Variants in EPHB4 observed in about 807,000 individuals in gnomAD.
EPHB4 encodes the protein EPH receptor B4.
EPHB4 carries 50 observed loss-of-function variants against 110.6 expected under a neutral mutation model. That is an observed-to-expected ratio of 0.45 (90% CI 0.36 to 0.57). The LOEUF is 0.57. EPHB4 is among the 20% of genes least tolerant of loss of function. The pLI, the probability that EPHB4 is intolerant of heterozygous loss-of-function variation, is 0.00. For synonymous variants in EPHB4, 592 were observed against 578.4 expected (o/e 1.02, Z -0.34); for missense variants, 1,128 against 1,382.1 (o/e 0.82, Z 2.91).
In EPHB4 at chr7:100,826,982, C is replaced by G; in HGVS notation, c.49G>C (p.Glu17Gln). 6.4e-7 allele frequency: 1 copy of G among 1,560,698 alleles called. No homozygotes were observed. Among genetic ancestry groups the G allele is most frequent in the Non-Finnish European group, 8.7e-7 (1 of 1,149,784 alleles). The change falls in exon 1 of 17, where the codon GAA (glutamate) becomes CAA (glutamine). Residue 17 changes from glutamate (E) to glutamine (Q), a missense_variant. By Grantham distance (29) the Glu-to-Gln change is conservative (BLOSUM62 2). Around this residue, in one of 3 missense-constraint regions of EPHB4, gnomAD observed 728 missense variants for 828.6 expected, o/e 0.88. Transcript: ENST00000358173. Reference protein sequence around the residue: ...LCWASLAAALEETLLNTKLET... With the variant: ...LCWASLAAALQETLLNTKLET... The stretch of plus-strand genomic sequence containing the variant: ...CCCCCCCCGCAAGGAAACTCACCTT[C>G]CAAAGCTGCGGCCAACGAAGCCCAG...
At chr7:100,823,982 G>A (rs1296630903) in intron 2 of EPHB4, 51 bp from the exon 3 acceptor site, 3 of 1,528,030 alleles carry the variant, frequency 2.0e-6, no homozygotes, top group Non-Finnish European at 2.6e-6. Context: ...CCAGGGAGAG[G>A]GCTGCATGGG....
At chr7:100,807,767 A>G (rs1812849173) in intron 12 of EPHB4, among the ~76,000 whole-genome samples, 187 bp from the exon 13 acceptor site, 1 of 152,054 alleles carries the variant, frequency 6.6e-6, no homozygotes, top group Non-Finnish European at 1.5e-5. Context: ...TAGCTGGAAC[A>G]ATAGGCATGT....
At chr7:100,813,271 C>T in intron 10 of EPHB4, 63 bp from the exon 11 acceptor site, 1 of 1,262,556 alleles carries the variant, frequency 7.9e-7, no homozygotes, top group Non-Finnish European at 1.1e-6. Flanking sequence ...GGAGGCTCGG[C>T]TCATAGCTTT....
At chr7:100,817,096 A>G (rs1414491214) in intron 8 of EPHB4, 96 bp downstream of exon 8, 1 of 1,271,896 alleles carries the variant, frequency 7.9e-7, no homozygotes, top group African/African-American at 1.6e-5. Context: ...AAAAAAAAAA[A>G]AAAAAAAAGA....
chr7:100,824,176 G>A (rs1813314648), intron 2 of EPHB4, 27 bp downstream of exon 2: 1 of 1,614,040 alleles, frequency 6.2e-7, no homozygotes, highest in Non-Finnish European at 8.5e-7. Flanking sequence ...TCCCTCCAGA[G>A]CTCCAGCTCC....
At chr7:100,824,824 TCCCCA>T (rs909738440) in intron 1 of EPHB4, 9 of 154,134 alleles carry the variant, frequency 5.8e-5, no homozygotes, top group African/African-American at 2.2e-4. Flanking sequence ...AGTACCTCCC[TCCCCA>T]CGAGTGCCCT....
At chr7:100,812,220 AT>A (rs1812951456) in intron 12 of EPHB4, among the ~76,000 whole-genome samples, 1 of 151,846 alleles carries the variant, frequency 6.6e-6, no homozygotes, top group Admixed American at 6.6e-5. Context: ...AAAAGAAGGA[AT>A]GACAACCTTC....
chr7:100,826,957 C>A, intron 1 of EPHB4, 22 bp downstream of exon 1: 7 of 1,538,690 alleles, frequency 4.5e-6, no homozygotes, highest in Admixed American at 2.0e-5. Flanking sequence ...CGGGGTGCGC[C>A]CCCCCCCGCA....
intron 4 of EPHB4, among the ~76,000 whole-genome samples, chr7:100,821,445 C>T (rs562626882): frequency 6.0e-5 from 9 of 150,588 alleles, no homozygotes; most frequent in East Asian, 2.1e-4. Flanking sequence ...CTGGCTAACA[C>T]GGTGAAACTC....
chr7:100,827,217 C>T lies in EPHB4; in HGVS notation c.-187G>A, dbSNP rs1458451283. 9.3e-6 allele frequency: 3 copies of T among 322,360 alleles called. No homozygotes were observed. Among genetic ancestry groups the T allele is most frequent in the African/African-American group, 4.5e-5 (2 of 44,680 alleles). The allele number at this position is 322,360 out of a possible 1,614,324, so 20.0% of individuals were successfully genotyped here. A position where few individuals can be genotyped will look rare whatever the true frequency, so the allele number is the denominator to read the frequency against. ...CGCCAAGTGTGGCCCCGCGTCTGTG[C>T]CGCGCGCGCGGGCGGCGGGCCCGGA... On this transcript the variant is annotated 5_prime_UTR_variant, in exon 1 of 17. Transcript: ENST00000358173.
chr7:100,812,609 G>A, intron 12 of EPHB4, 138 bp downstream of exon 12: 1 of 1,237,546 alleles, frequency 8.1e-7, no homozygotes, highest in East Asian at 2.5e-5. Flanking sequence ...AAAGGCAGAG[G>A]ACCAGGGCTT....
chr7:100,805,103 C>T, intron 16 of EPHB4, 63 bp downstream of exon 16: 1 of 1,557,540 alleles, frequency 6.4e-7, no homozygotes, highest in Non-Finnish European at 8.7e-7. Context: ...CCTGGAGACC[C>T]CGTGGGCCTG....
At chr7:100,809,219 G>A (rs1812878862) in intron 12 of EPHB4, among the ~76,000 whole-genome samples, 1 of 152,144 alleles carries the variant, frequency 6.6e-6, no homozygotes, top group South Asian at 2.1e-4. Context: ...CGATTCTCCT[G>A]TCTTAGTCTC....
intron 4 of EPHB4, chr7:100,820,888 A>G (rs956620064): frequency 6.6e-6 from 1 of 150,768 alleles, no homozygotes; most frequent in Non-Finnish European, 1.5e-5. Flanking sequence ...TTTTTTCCTG[A>G]GAAGGAGGCC....
At chr7:100,814,056 G>T in intron 8 of EPHB4, 35 bp from the exon 9 acceptor site, 1 of 1,610,264 alleles carries the variant, frequency 6.2e-7, no homozygotes, top group South Asian at 1.1e-5. Flanking sequence ...AGGAGAAACT[G>T]ATGGTCCTGT....
rs1584667224 is a variant in EPHB4 at position 100,823,880 on chromosome 7, C to T, written c.175G>A (p.Glu59Lys). ...DEEQHSVRTY[E>K]VCDVQRAPGQ... ...GGGGCACGCTGCACGTCACACACTT[C>T]GTAGGTGCGCACGCTGTGCTGTTCC... is the stretch of plus-strand genomic sequence containing the variant. The change falls in exon 3 of 17, where the codon GAA becomes AAA. Residue 59 changes from glutamate (E) to lysine (K), a missense_variant. Glu to Lys is a moderately conservative substitution (Grantham distance 56). This residue lies in a region of EPHB4 where 728 missense variants were observed against 828.6 expected (regional missense o/e 0.88). Transcript: ENST00000358173. 3.7e-6 allele frequency: 6 copies of T among 1,610,080 alleles called. No individual in the cohort carries two copies. The highest frequency in any genetic ancestry group is 2.2e-5 in the East Asian group (1 of 44,702).
chr7:100,806,306 T>C, intron 14 of EPHB4, 114 bp downstream of exon 14: 1 of 1,290,134 alleles, frequency 7.8e-7, no homozygotes, highest in Non-Finnish European at 1.1e-6. Context: ...CTTTTTGTCA[T>C]CTCCATGGTC....
rs1812996697 is a variant in EPHB4 at position 100,813,546 on chromosome 7, C to T, written c.1756+106G>A. 7 of 1,231,578 alleles carry T rather than the reference C, an allele frequency of 5.7e-6. No homozygotes were observed. In the Admixed American group the frequency reaches 1.2e-4, roughly 21 times the overall value. 76.3% of individuals were successfully genotyped at this position (1,231,578 alleles called of 1,614,324 possible). A position where few individuals can be genotyped will look rare whatever the true frequency, so the allele number is the denominator to read the frequency against. On this transcript the variant is annotated intron_variant, in intron 10 of 16. Transcript: ENST00000358173. ...GGCCAGGCTGGTCTCGAACTCCTGA[C>T]CTCAAGTGATCTGCCCACCTCTGCC...
At chr7:100,817,059 A>AG in intron 8 of EPHB4, 133 bp downstream of exon 8, 1 of 1,058,716 alleles carries the variant, frequency 9.4e-7, no homozygotes, top group Non-Finnish European at 1.2e-6. Flanking sequence ...CTCCAGCCTG[A>AG]GGGACAGAGC....
Sources: allele counts gnomAD v4.1 joint callset (sites outside exome capture counted in the v4.1 genomes callset), GRCh38; gene constraint gnomAD v4.1.1; regional missense constraint gnomAD v4.1.1; transcripts MANE v1.5; gene names NCBI Gene and HGNC (gene_info 2026-07-23, HGNC 2026-07-21).